STK32B: variants seen among roughly 807,000 people sequenced by gnomAD.
STK32B encodes serine/threonine kinase 32B.
STK32B carries 43 observed loss-of-function variants against 52.6 expected under a neutral mutation model. That is an observed-to-expected ratio of 0.82 (90% CI 0.64 to 1.05). The LOEUF is 1.05. Among genes scored for constraint, STK32B ranks in the 50% least tolerant of loss-of-function variants. STK32B has a pLI of 0.00. For missense variants in STK32B, 621 were observed against 534.6 expected (o/e 1.16, Z -1.59); for synonymous variants, 238 against 204.3 (o/e 1.17, Z -1.41).
intron 5 of STK32B, among the ~76,000 whole-genome samples, chr4:5,411,464 C>T (rs1201763764): frequency 2.0e-5 from 3 of 152,138 alleles, no homozygotes; most frequent in Non-Finnish European, 4.4e-5. Flanking sequence ...AAAAATAATA[C>T]AAATACAAAC....
At chr4:5,430,590 GT>G (rs1229636036) in intron 6 of STK32B, among the ~76,000 whole-genome samples, 5 of 151,974 alleles carry the variant, frequency 3.3e-5, no homozygotes, top group Non-Finnish European at 7.4e-5. Context: ...ATGAGTTTTT[GT>G]TTTTTTGTCC....
rs1403526985 is a variant in STK32B, at chr4:5,436,668, G to A, written c.563-10005G>A. The A allele has an allele frequency of 1.3e-5, 13 of 985,190 alleles. No homozygotes were observed. In the South Asian group the frequency reaches 1.4e-4, roughly 11 times the overall value. 61.0% of individuals were successfully genotyped at this position (985,190 alleles called of 1,614,324 possible). On this transcript the variant is annotated intron_variant, in intron 6 of 11. Coordinates refer to ENST00000282908, the MANE Select transcript of STK32B (RefSeq NM_018401.3). ...AAGCTGAGGAAGGGAGGGTACACGC[G>A]CTATTAGGAGTTAGAATCACGCAGA...
the STK32B span, among the ~76,000 whole-genome samples, chr4:5,043,872 C>G: frequency 1.3e-5 from 2 of 152,248 alleles, no homozygotes; most frequent in Admixed American, 1.3e-4. Context: ...AGCCCAGTGT[C>G]TGACACATAA....
At chr4:5,365,351 T>C (rs1219305371) in intron 4 of STK32B, among the ~76,000 whole-genome samples, 1 of 152,210 alleles carries the variant, frequency 6.6e-6, no homozygotes, top group East Asian at 1.9e-4. Context: ...TGGTGCATTT[T>C]GCACTCTTCA....
the STK32B span, among the ~76,000 whole-genome samples, chr4:5,041,370 C>T: frequency 6.6e-5 from 10 of 152,264 alleles, no homozygotes; most frequent in African/African-American, 2.2e-4. Flanking sequence ...ATACATTGCA[C>T]AGATGTTGCG....
intron 1 of STK32B, among the ~76,000 whole-genome samples, chr4:5,129,130 T>C (rs76563614): frequency 0.11 from 16,566 of 152,240 alleles, 1,180 homozygotes; most frequent in Admixed American, 0.24. Flanking sequence ...TGAATGCTTT[T>C]CATGTTAGGC....
chr4:5,307,681 G>C (rs1410609711), intron 3 of STK32B, among the ~76,000 whole-genome samples: 1 of 151,878 alleles, frequency 6.6e-6, no homozygotes, highest in Non-Finnish European at 1.5e-5. Context: ...GATCTTTTGG[G>C]AGTGTTAGAG....
intron 3 of STK32B, among the ~76,000 whole-genome samples, chr4:5,283,906 G>A (rs796361531): frequency 3.3e-5 from 5 of 152,234 alleles, no homozygotes; most frequent in African/African-American, 1.2e-4. Flanking sequence ...AAAAATGAAA[G>A]TGAAAACAAA....
intron 1 of STK32B, among the ~76,000 whole-genome samples, chr4:5,123,004 A>G (rs28533316): frequency 0.011 from 1,665 of 152,048 alleles, 33 homozygotes; most frequent in African/African-American, 0.039. Flanking sequence ...TGGAGCCCAA[A>G]TCCCAGCTCC....
chr4:5,417,258 G>A (rs1712244696), intron 6 of STK32B, among the ~76,000 whole-genome samples: 2 of 152,200 alleles, frequency 1.3e-5, no homozygotes, highest in Admixed American at 1.3e-4. Context: ...AATTTAACTT[G>A]GTGGTGGTCA....
At chr4:5,055,263 ATTTT>A (rs36123548) in intron 1 of STK32B, among the ~76,000 whole-genome samples, 1 of 139,964 alleles carries the variant, frequency 7.1e-6, no homozygotes, top group African/African-American at 2.7e-5. Context: ...CTAATTTTTA[ATTTT>A]TTTTTTTTTT....
chr4:5,396,784 AC>A lies in STK32B; in HGVS notation c.435-1420del, dbSNP rs1560379718. Among the ~76,000 whole-genome samples, 1 of 152,122 alleles carries A rather than the reference AC, an allele frequency of 6.6e-6. No homozygotes were observed. The highest frequency in any genetic ancestry group is 1.9e-4 in the East Asian group (1 of 5,188). On this transcript the variant is annotated intron_variant, in intron 4 of 11. Transcript: ENST00000282908. This position sits in a 1 kb window ranked among gnomAD's most constrained non-coding sequence, Gnocchi z 4.7. The stretch of plus-strand genomic sequence containing the variant: ...CTCTTTTCTCATCTTTTGTTGAGAA[AC>A]CCTGCTGGGAGCCACCCTGGGCAGG...
At chr4:5,250,873 T>G (rs1057362844) in intron 3 of STK32B, among the ~76,000 whole-genome samples, 1 of 152,208 alleles carries the variant, frequency 6.6e-6, no homozygotes, top group African/African-American at 2.4e-5. Context: ...TTGAAAAGTG[T>G]CTGTTCATTT....
chr4:5,325,828 A>G (rs1359488971), intron 3 of STK32B, among the ~76,000 whole-genome samples: 3 of 152,220 alleles, frequency 2.0e-5, no homozygotes, highest in African/African-American at 7.2e-5. Flanking sequence ...TATTATGAGA[A>G]TATAATTCTA....
intron 3 of STK32B, among the ~76,000 whole-genome samples, chr4:5,258,938 C>A (rs1726519084): frequency 6.6e-6 from 1 of 152,222 alleles, no homozygotes. Context: ...TGTTATCTCT[C>A]CAGCCTCATC....
At position 5,395,832 on chromosome 4, in the gene STK32B, G is replaced by A. The variant is rs1404243554; in HGVS notation, c.435-2375G>A. ...GGAACACAGACTGTCTAGATCATGG[G>A]CTGAATTCTCCCAAACAGAACAGCC... On this transcript the variant is annotated intron_variant, in intron 4 of 11. Transcript: ENST00000282908. This position sits in a 1 kb window ranked among gnomAD's most constrained non-coding sequence, Gnocchi z 4.4. 6.6e-6 allele frequency among the ~76,000 whole-genome samples: 1 copy of A among 152,248 alleles called. No individual in the cohort carries two copies.
intron 11 of STK32B, among the ~76,000 whole-genome samples, chr4:5,492,746 T>G (rs1460780874): frequency 2.6e-5 from 4 of 151,422 alleles, no homozygotes; most frequent in Admixed American, 6.6e-5. Context: ...TTGAGATACG[T>G]CCCATCAATA....
intron 5 of STK32B, among the ~76,000 whole-genome samples, chr4:5,414,816 G>T (rs766796844): frequency 2.0e-5 from 3 of 152,170 alleles, no homozygotes; most frequent in African/African-American, 7.2e-5. Context: ...GGGCTTAAAG[G>T]GGTAACCCAA....
chr4:5,489,554 T>G (rs1719521849), intron 11 of STK32B, among the ~76,000 whole-genome samples: 1 of 152,162 alleles, frequency 6.6e-6, no homozygotes, highest in African/African-American at 2.4e-5. Context: ...CAAAAAAACG[T>G]ATGTAGACAA....
Sources: gnomAD v4.1 joint callset for allele counts (sites outside exome capture counted in the v4.1 genomes callset) on GRCh38, gnomAD v4.1.1 for gene constraint, Gnocchi (gnomAD v3.1) non-coding constraint, MANE v1.5 for transcripts, NCBI Gene and HGNC (gene_info 2026-07-23, HGNC 2026-07-21) for gene names.